Variants in NRXN3 observed in about 807,000 individuals in gnomAD.
NRXN3 encodes the protein neurexin III.
Under a neutral mutation model 137.6 loss-of-function variants are expected in NRXN3, and 32 were observed. The ratio of observed to expected loss-of-function variants is 0.23; its 90% CI spans 0.18 to 0.31. NRXN3 has a LOEUF of 0.31. NRXN3 is among the 10% of genes least tolerant of loss of function. The pLI, the probability that NRXN3 is intolerant of heterozygous loss-of-function variation, is 1.00. For missense variants in NRXN3, 1,574 were observed against 2,062.5 expected, an observed-to-expected ratio of 0.76 and a Z score of 4.59; for synonymous variants, 798 against 784.5, an observed-to-expected ratio of 1.02 and a Z score of -0.29.
Position 78,645,217 on chromosome 14 carries a change from C to T in NRXN3, c.855C>T (p.Leu285=). The T allele has an allele frequency of 6.3e-7, 1 of 1,598,544 alleles. No individual in the cohort carries two copies. Among genetic ancestry groups the T allele is most frequent in the Non-Finnish European group, 8.5e-7 (1 of 1,179,712 alleles). ...AGAGCAGCAGTGATGAAATCACCCT[C>T]TCCTTTAAGACCTGGCAGCGTAACG... ...PIQSSSDEIT[L]SFKTWQRNGL... The change falls in exon 5 of 21, where the codon CTC becomes CTT. Residue 285 remains leucine (L), a synonymous_variant. Coordinates refer to ENST00000335750, the MANE Select transcript of NRXN3 (RefSeq NM_001330195.2).
At chr14:79,090,260 A>G (rs1302461921) in intron 15 of NRXN3, among the ~76,000 whole-genome samples, 1 of 152,162 alleles carries the variant, frequency 6.6e-6, no homozygotes, top group Non-Finnish European at 1.5e-5. Context: ...TTAATATAAC[A>G]TAGGGATTAT....
At chr14:78,926,753 A>ATATATATAT (rs1176623998) in intron 10 of NRXN3, among the ~76,000 whole-genome samples, 1 of 55,062 alleles carries the variant, frequency 1.8e-5, no homozygotes, top group African/African-American at 1.2e-4. Context: ...ATTATATATT[A>ATATATATAT]TATATATATT....
In NRXN3 at chr14:78,791,913, C is replaced by T. The variant is rs556752155; in HGVS notation, c.2045-11707C>T. Among the ~76,000 whole-genome samples the T allele has an allele frequency of 6.6e-5, 10 of 151,866 alleles. No individual in the cohort carries two copies. The East Asian group carries it at 7.7e-4, about 12-fold the overall frequency. On this transcript the variant is annotated intron_variant, in intron 8 of 20. Transcript: ENST00000335750. Reference sequence around the variant, plus strand: ...AACTCAAAATATTACACAATTAAACCGTAGCTAATTCTAGGTGGCAAGAAG... The same window carrying T: ...AACTCAAAATATTACACAATTAAACTGTAGCTAATTCTAGGTGGCAAGAAG...
At chr14:78,602,267 C>CTTTTTTTTTTTTTTTTTTTT (rs370669288) in intron 4 of NRXN3, among the ~76,000 whole-genome samples, 7 of 115,262 alleles carry the variant, frequency 6.1e-5, no homozygotes, top group East Asian at 2.9e-4. Flanking sequence ...TCACATTAGC[C>CTTTTTTTTTTTTTTTTTTTT]TTTTTTTTTT....
intron 4 of NRXN3, among the ~76,000 whole-genome samples, chr14:78,325,621 A>G (rs554595935): frequency 1.7e-3 from 257 of 152,012 alleles, no homozygotes; most frequent in Middle Eastern, 3.4e-3. Context: ...TTTCTCATTC[A>G]AGTAGGGGAA....
intron 1 of NRXN3, among the ~76,000 whole-genome samples, chr14:78,207,498 A>C (rs1014319168): frequency 1.3e-5 from 2 of 152,104 alleles, no homozygotes; most frequent in African/African-American, 4.8e-5. Flanking sequence ...GACAGCTGCA[A>C]AACCAACAGT....
rs1567258918 is a variant in NRXN3, at chr14:79,486,955, CTCTCT to C, written c.3444+19554_3444+19558del. ...TCTCTCTCTCTCTCTCTCTCTCTCT[CTCTCT>C]CCCACACACACACACCCCAAGATAA... is the stretch of plus-strand genomic sequence containing the variant. On this transcript the variant is annotated intron_variant, in intron 16 of 20. Coordinates refer to ENST00000335750, the MANE Select transcript of NRXN3 (RefSeq NM_001330195.2). Among the ~76,000 whole-genome samples the C allele has an allele frequency of 6.2e-3, 931 of 149,862 alleles. 13 individuals are homozygous for C. The highest frequency in any genetic ancestry group is 0.022 in the African/African-American group (893 of 40,344).
chr14:78,606,315 A>AT (rs113866624), intron 4 of NRXN3, among the ~76,000 whole-genome samples: 4 of 152,130 alleles, frequency 2.6e-5, no homozygotes, highest in African/African-American at 7.2e-5. Context: ...CTCATCTGAC[A>AT]TTTTTTTTAG....
chr14:79,834,948 C>T (rs931836648), intron 20 of NRXN3, among the ~76,000 whole-genome samples: 2 of 152,082 alleles, frequency 1.3e-5, no homozygotes, highest in Non-Finnish European at 2.9e-5. Context: ...ATTCCCGACC[C>T]GCCACCCCAA....
chr14:79,316,731 TC>T (rs2088819494), intron 15 of NRXN3, among the ~76,000 whole-genome samples: 234 of 27,624 alleles, frequency 8.5e-3, no homozygotes, highest in Admixed American at 0.027. Flanking sequence ...GTCCTGTCCC[TC>T]TCTCTCTCTC....
At chr14:78,211,126 G>A (rs1298491774) in intron 1 of NRXN3, among the ~76,000 whole-genome samples, 1 of 152,208 alleles carries the variant, frequency 6.6e-6, no homozygotes, top group Non-Finnish European at 1.5e-5. Context: ...ATTGTTAGCT[G>A]TTATTACTTC....
intron 10 of NRXN3, among the ~76,000 whole-genome samples, chr14:78,895,862 C>T (rs982811651): frequency 1.5e-4 from 23 of 151,744 alleles, no homozygotes; most frequent in African/African-American, 3.9e-4. Flanking sequence ...GTAAGTTGAG[C>T]GGTCAGAAGA....
intron 17 of NRXN3, among the ~76,000 whole-genome samples, chr14:79,679,149 A>AT (rs1255274912): frequency 2.0e-5 from 3 of 151,580 alleles, no homozygotes; most frequent in African/African-American, 7.3e-5. Context: ...CTTACATCTC[A>AT]TATCTAGGAG....
chr14:79,664,915 T>C (rs2098550746), intron 17 of NRXN3, among the ~76,000 whole-genome samples: 1 of 152,146 alleles, frequency 6.6e-6, no homozygotes, highest in South Asian at 2.1e-4. Context: ...ACCAAACTCC[T>C]CACAATTTTC....
chr14:79,220,747 A>C (rs940689298), intron 15 of NRXN3, among the ~76,000 whole-genome samples: 2 of 151,890 alleles, frequency 1.3e-5, no homozygotes, highest in African/African-American at 4.8e-5. Flanking sequence ...TCTTTTTTTA[A>C]TATATACATA....
At chr14:79,413,027 C>G (rs1478700302) in intron 15 of NRXN3, among the ~76,000 whole-genome samples, 1 of 152,026 alleles carries the variant, frequency 6.6e-6, no homozygotes, top group Non-Finnish European at 1.5e-5. Flanking sequence ...TTTGACTGTC[C>G]TTGCCCTTCA....
chr14:78,912,285 TA>T (rs1038699379), intron 10 of NRXN3, among the ~76,000 whole-genome samples: 125 of 150,358 alleles, frequency 8.3e-4, no homozygotes, highest in Non-Finnish European at 1.4e-3. Flanking sequence ...CAGGAAGCTT[TA>T]AAAAAAATAC....
intron 16 of NRXN3, among the ~76,000 whole-genome samples, chr14:79,470,679 G>A (rs145339304): frequency 2.6e-5 from 4 of 152,240 alleles, no homozygotes; most frequent in African/African-American, 4.8e-5. Context: ...TCTGCCTACC[G>A]ATGTGCTTCA....
At chr14:78,666,117 A>G (rs2097884367) in intron 6 of NRXN3, among the ~76,000 whole-genome samples, 1 of 152,166 alleles carries the variant, frequency 6.6e-6, no homozygotes, top group Non-Finnish European at 1.5e-5. Flanking sequence ...GTGGTAAAAA[A>G]ACACATATCC....
Sources: gnomAD v4.1 joint callset for allele counts (sites outside exome capture counted in the v4.1 genomes callset) on GRCh38, gnomAD v4.1.1 for gene constraint, MANE v1.5 for transcripts, NCBI Gene and HGNC (gene_info 2026-07-23, HGNC 2026-07-21) for gene names.